Variants in DMD observed in about 807,000 individuals in gnomAD.
DMD encodes the protein dystrophin.
In DMD, 63 loss-of-function variants were observed where a neutral mutation model predicts 330.1. That is an observed-to-expected ratio of 0.19 (90% CI 0.16 to 0.24). The LOEUF (loss-of-function observed/expected upper bound fraction) is 0.24. Ranked by LOEUF, DMD falls within the 10% of genes least tolerant of loss-of-function variation. DMD has a pLI of 1.00. For synonymous variants in DMD, 1,223 were observed against 959.8 expected, an observed-to-expected ratio of 1.27 and a Z score of -5.07; for missense variants, 3,344 against 2,684.1, an observed-to-expected ratio of 1.25 and a Z score of -5.43.
chrX:32,966,535 C>A (rs2092163546), intron 2 of DMD, among the ~76,000 whole-genome samples: 1 of 111,606 alleles, frequency 9.0e-6, no homozygotes, highest in Non-Finnish European at 1.9e-5. Context: ...TCTACTATGC[C>A]TCCTTTATAA....
chrX:31,246,699 G>T (rs1361230508), intron 63 of DMD, among the ~76,000 whole-genome samples: 1 of 111,490 alleles, frequency 9.0e-6, no homozygotes, highest in Non-Finnish European at 1.9e-5. Flanking sequence ...AGGCTGAGGC[G>T]GGCAGATCAC....
chrX:31,206,077 A>G (rs2148559494), intron 66 of DMD, among the ~76,000 whole-genome samples: 1 of 112,703 alleles, frequency 8.9e-6, no homozygotes, highest in South Asian at 3.7e-4. Flanking sequence ...CTATCCTTTA[A>G]GAAACAGCAA....
chrX:33,222,695 C>G (rs935260541), intron 1 of DMD, among the ~76,000 whole-genome samples: 3 of 111,913 alleles, frequency 2.7e-5, no homozygotes, highest in African/African-American at 9.8e-5. Context: ...ATCAAGGTAG[C>G]AGGATGCAAG....
At chrX:32,991,451 A>C (rs1302695743) in intron 2 of DMD, among the ~76,000 whole-genome samples, 1 of 112,119 alleles carries the variant, frequency 8.9e-6, no homozygotes, top group African/African-American at 3.2e-5. Flanking sequence ...CTATACATGC[A>C]CTACATAACA....
intron 44 of DMD, among the ~76,000 whole-genome samples, chrX:32,030,000 G>A (rs919466280): frequency 1.8e-5 from 2 of 111,850 alleles, no homozygotes; most frequent in African/African-American, 6.5e-5. Context: ...ATCACTCGAC[G>A]ATAAATCCAC....
intron 49 of DMD, among the ~76,000 whole-genome samples, chrX:31,820,986 G>A (rs888897464): frequency 8.9e-6 from 1 of 112,784 alleles, no homozygotes; most frequent in African/African-American, 3.2e-5. Context: ...GTCCTGAGCT[G>A]GTTCCACTTC....
intron 53 of DMD, among the ~76,000 whole-genome samples, chrX:31,661,448 G>A (rs1270468027): frequency 9.0e-6 from 1 of 110,513 alleles, no homozygotes; most frequent in Non-Finnish European, 1.9e-5. Context: ...CCCACCTTGG[G>A]TTTTACCCAA....
chrX:33,154,808 C>T (rs923568863), intron 1 of DMD, among the ~76,000 whole-genome samples: 1 of 111,982 alleles, frequency 8.9e-6, no homozygotes, highest in Admixed American at 9.5e-5. Context: ...GCCCATTTTA[C>T]AATCCAATTG....
In DMD at chrX:32,870,978, A is replaced by G. The variant is rs999498828; in HGVS notation, c.94-21158T>C. ...TACAGCAAAAAAAAAAAAAAAAAAA[A>G]AAAAAAAAAACCACAAAACCCATCA... is the stretch of plus-strand genomic sequence containing the variant. On this transcript the variant is annotated intron_variant, in intron 2 of 78. Transcript: ENST00000357033. Among the ~76,000 whole-genome samples, 14 of 83,714 alleles carry G rather than the reference A, an allele frequency of 1.7e-4. 1 individual carries two copies. The highest frequency in any genetic ancestry group is 3.5e-4 in the East Asian group (1 of 2,859). 72.7% of individuals were successfully genotyped at this position (83,714 alleles called of 115,157 possible). A position where few individuals can be genotyped will look rare whatever the true frequency, so the allele number is the denominator to read the frequency against.
intron 10 of DMD, 98 bp downstream of exon 10, chrX:32,644,866 C>T: frequency 9.5e-7 from 1 of 1,053,712 alleles, no homozygotes; most frequent in Non-Finnish European, 1.3e-6. Flanking sequence ...ACTAAATTTC[C>T]AAAATACAAG....
rs371083843 is a variant in DMD at position 31,924,695 on chromosome X, C to T, written c.6912+4901G>A. Among the ~76,000 whole-genome samples the T allele has an allele frequency of 9.0e-5, 10 of 111,398 alleles. No homozygotes were observed. The East Asian group carries it at 2.8e-3, about 31-fold the overall frequency. On this transcript the variant is annotated intron_variant, in intron 47 of 78. Transcript: ENST00000357033. ...TTGTATTTGTAAACCTACCTTTTTC[C>T]TCGGTAAAGTGAATAAGATGCACTT...
intron 52 of DMD, among the ~76,000 whole-genome samples, chrX:31,723,934 C>T (rs2148985042): frequency 8.9e-6 from 1 of 111,964 alleles, no homozygotes; most frequent in South Asian, 3.7e-4. Flanking sequence ...ATATACTTGT[C>T]CAAATACCCA....
chrX:32,170,296 C>A (rs991384404), intron 44 of DMD, among the ~76,000 whole-genome samples: 13 of 109,034 alleles, frequency 1.2e-4, no homozygotes, highest in African/African-American at 4.0e-4. Flanking sequence ...CATGGTGAAA[C>A]CCCGTTTCTA....
At chrX:32,277,282 C>T (rs898990160) in intron 43 of DMD, among the ~76,000 whole-genome samples, 1 of 111,264 alleles carries the variant, frequency 9.0e-6, no homozygotes, top group African/African-American at 3.3e-5. Context: ...ATATATAAAG[C>T]AAATATATAT....
intron 7 of DMD, among the ~76,000 whole-genome samples, chrX:32,746,240 C>T (rs755548369): frequency 3.6e-5 from 4 of 112,141 alleles, no homozygotes; most frequent in Non-Finnish European, 5.6e-5. Context: ...TACTCAAAGA[C>T]GTTCTATCTG....
At chrX:33,292,516 A>G (rs753634985) in intron 1 of DMD, among the ~76,000 whole-genome samples, 8 of 110,609 alleles carry the variant, frequency 7.2e-5, no homozygotes, top group Non-Finnish European at 1.3e-4. Context: ...TTGTAATACA[A>G]ATTACGATGG....
chrX:32,493,529 T>A (rs1417384384), intron 19 of DMD, among the ~76,000 whole-genome samples: 1 of 111,801 alleles, frequency 8.9e-6, no homozygotes, highest in African/African-American at 3.2e-5. Context: ...TGACATGCTG[T>A]TTTTGATCGT....
chrX:32,232,571 T>C (rs1256670406), intron 43 of DMD, among the ~76,000 whole-genome samples: 1 of 111,890 alleles, frequency 8.9e-6, no homozygotes, highest in African/African-American at 3.2e-5. Flanking sequence ...GAAAATGTCA[T>C]CACATCTGAC....
At chrX:31,240,737 T>C (rs1318271265) in intron 63 of DMD, among the ~76,000 whole-genome samples, 2 of 111,810 alleles carry the variant, frequency 1.8e-5, no homozygotes, top group Non-Finnish European at 3.8e-5. Context: ...TATTAGGTGC[T>C]TACCCTATGT....
Sources: allele counts gnomAD v4.1 joint callset (sites outside exome capture counted in the v4.1 genomes callset), GRCh38; gene constraint gnomAD v4.1.1; transcripts MANE v1.5; gene names NCBI Gene and HGNC (gene_info 2026-07-23, HGNC 2026-07-21).